CACNA1D: variants seen among roughly 807,000 people sequenced by gnomAD.
CACNA1D encodes voltage-dependent L-type calcium channel subunit alpha-1D.
Under a neutral mutation model 257.1 loss-of-function variants are expected in CACNA1D, and 55 were observed. The ratio of observed to expected loss-of-function variants is 0.21; its 90% CI spans 0.17 to 0.27. CACNA1D has a LOEUF of 0.27. Among genes scored for constraint, CACNA1D ranks in the 10% least tolerant of loss-of-function variants. CACNA1D has a pLI of 1.00. For missense variants in CACNA1D, 1,876 were observed against 2,784.0 expected, an observed-to-expected ratio of 0.67 and a Z score of 7.34; for synonymous variants, 980 against 1,014.9, an observed-to-expected ratio of 0.97 and a Z score of 0.65.
intron 3 of CACNA1D, among the ~76,000 whole-genome samples, chr3:53,517,017 T>C (rs1575730156): frequency 6.6e-6 from 1 of 152,194 alleles, no homozygotes; most frequent in East Asian, 1.9e-4. Flanking sequence ...TCTGTAACTT[T>C]ACTTCGTTGT....
chr3:53,611,284 C>T (rs894441049), intron 3 of CACNA1D, among the ~76,000 whole-genome samples: 2 of 152,176 alleles, frequency 1.3e-5, no homozygotes, highest in African/African-American at 4.8e-5. Flanking sequence ...GCTCTGGAGG[C>T]TGAAGCAGGA....
At chr3:53,511,799 C>T (rs2091123882) in intron 3 of CACNA1D, among the ~76,000 whole-genome samples, 1 of 152,134 alleles carries the variant, frequency 6.6e-6, no homozygotes, top group African/African-American at 2.4e-5. Context: ...GACACATTCC[C>T]TCTTTGTGCT....
At chr3:53,781,693 G>T (rs953583654) in intron 39 of CACNA1D, 26 bp downstream of exon 39, 19 of 1,466,736 alleles carry the variant, frequency 1.3e-5, no homozygotes, top group Non-Finnish European at 1.7e-5. Context: ...TTCCTAAGTA[G>T]TCCTTGGCCA....
chr3:53,755,205 CTG>C (rs1448818472), intron 29 of CACNA1D, among the ~76,000 whole-genome samples: 4 of 152,238 alleles, frequency 2.6e-5, no homozygotes, highest in Non-Finnish European at 5.9e-5. Context: ...TGGAACCTCT[CTG>C]TGGAACATTT....
chr3:53,804,871 C>T, intron 44 of CACNA1D, 112 bp from the exon 45 acceptor site: 1 of 1,019,132 alleles, frequency 9.8e-7, no homozygotes. Flanking sequence ...CTCAGCCAAT[C>T]CTACTGTGTC....
intron 44 of CACNA1D, among the ~76,000 whole-genome samples, chr3:53,804,317 C>A (rs1279459509): frequency 6.6e-6 from 1 of 152,200 alleles, no homozygotes; most frequent in Admixed American, 6.5e-5. Context: ...TGCCTGACTT[C>A]TGAAACCACT....
At position 53,800,266 on chromosome 3, in the gene CACNA1D, G is replaced by A; in HGVS notation, c.4941G>A (p.Leu1647=). The A allele has an allele frequency of 6.2e-7, 1 of 1,613,588 alleles. No homozygotes were observed. Among genetic ancestry groups the A allele is most frequent in the Non-Finnish European group, 8.5e-7 (1 of 1,179,460 alleles). ...TGATCTAGGCGGGATTAAGGACACTGCATGACATTGGGCCAGAAATCCGGC... is the reference window on the plus strand; with the variant it reads ...TGATCTAGGCGGGATTAAGGACACTACATGACATTGGGCCAGAAATCCGGC... ...TIALQAGLRT[L]HDIGPEIRRA... Residue 1647 remains leucine, a synonymous_variant, in exon 41 of 48, where the codon CTG becomes CTA. Transcript: ENST00000350061. The surrounding 1 kb of genome is among the most constrained non-coding windows in gnomAD (Gnocchi z 4.3).
intron 18 of CACNA1D, among the ~76,000 whole-genome samples, 173 bp downstream of exon 18, chr3:53,732,255 G>C (rs1278889376): frequency 6.6e-6 from 1 of 152,254 alleles, no homozygotes; most frequent in Non-Finnish European, 1.5e-5. Context: ...CAGGCAGAAT[G>C]TGTCACTCAA....
Position 53,650,910 on chromosome 3 carries a change from A to G in CACNA1D, c.615A>G (p.Val205=), listed in dbSNP as rs1436981142. The G allele has an allele frequency of 6.2e-7, 1 of 1,612,576 alleles. No individual in the cohort carries two copies. Among genetic ancestry groups the G allele is most frequent in the Non-Finnish European group, 8.5e-7 (1 of 1,178,714 alleles). The change falls in exon 4 of 48, where the codon GTA becomes GTG. Residue 205 remains valine, a synonymous_variant. Transcript: ENST00000350061. The part of the protein sequence containing the change: ...NGWNLLDFVI[V]IVGLFSVILE... Reference sequence around the variant, plus strand: ...GGAATTTACTGGATTTTGTTATAGTAATAGTAGGGTAAGTCTCTTTTACTT... The same window carrying G: ...GGAATTTACTGGATTTTGTTATAGTGATAGTAGGGTAAGTCTCTTTTACTT...
intron 3 of CACNA1D, among the ~76,000 whole-genome samples, chr3:53,573,278 G>A (rs571673657): frequency 1.6e-4 from 25 of 152,208 alleles, no homozygotes; most frequent in Non-Finnish European, 2.8e-4. Flanking sequence ...TTGCACCCCC[G>A]TAGGAGCGTC....
intron 8 of CACNA1D, among the ~76,000 whole-genome samples, chr3:53,687,588 C>G (rs1188638896): frequency 1.3e-5 from 2 of 150,428 alleles, no homozygotes; most frequent in Non-Finnish European, 3.0e-5. Context: ...ATACCAGACA[C>G]AAACATTAAA....
In CACNA1D at chr3:53,813,302, G is replaced by A. The variant is rs1032790385; in HGVS notation, c.*1896G>A. 2.0e-5 allele frequency: 3 copies of A among 152,120 alleles called. No homozygotes were observed. Among genetic ancestry groups the A allele is most frequent in the African/African-American group, 4.8e-5 (2 of 41,412 alleles). 9.4% of individuals were successfully genotyped at this position (152,120 alleles called of 1,614,324 possible). A position where few individuals can be genotyped will look rare whatever the true frequency, so the allele number is the denominator to read the frequency against. On this transcript the variant is annotated 3_prime_UTR_variant, in exon 48 of 48. Transcript: ENST00000350061. ...TTATTAAAATGCAAAATGTTCTTCA[G>A]AATAAAACTGTGTAATAATTTTTAT...
At chr3:53,720,720 A>C (rs2094874517) in intron 11 of CACNA1D, among the ~76,000 whole-genome samples, 1 of 152,246 alleles carries the variant, frequency 6.6e-6, no homozygotes, top group Admixed American at 6.5e-5. Context: ...TATTAGAGTG[A>C]ATCAGATTTA....
intron 3 of CACNA1D, among the ~76,000 whole-genome samples, chr3:53,552,020 T>C (rs545344888): frequency 6.6e-6 from 1 of 152,330 alleles, no homozygotes; most frequent in Non-Finnish European, 1.5e-5. Flanking sequence ...AAGTACTCTA[T>C]GGCTATCCCA....
intron 7 of CACNA1D, among the ~76,000 whole-genome samples, chr3:53,668,804 G>A (rs986499445): frequency 4.6e-5 from 7 of 152,206 alleles, no homozygotes; most frequent in Admixed American, 3.3e-4. Flanking sequence ...AATGGATGTG[G>A]CTTTATTCTA....
At chr3:53,542,580 T>TTAAATAAA (rs3054119) in intron 3 of CACNA1D, among the ~76,000 whole-genome samples, 10,927 of 148,838 alleles carry the variant, frequency 0.073, 928 homozygotes, top group African/African-American at 0.2. Flanking sequence ...ACCCTGTTGC[T>TTAAATAAA]TAAATAAATA....
intron 45 of CACNA1D, among the ~76,000 whole-genome samples, chr3:53,805,778 C>G (rs1406210695): frequency 1.4e-5 from 2 of 144,340 alleles, no homozygotes; most frequent in East Asian, 4.5e-4. Context: ...CTTCCCTCTT[C>G]CTCCCTCATC....
At chr3:53,600,799 T>C (rs541713779) in intron 3 of CACNA1D, among the ~76,000 whole-genome samples, 1 of 152,258 alleles carries the variant, frequency 6.6e-6, no homozygotes, top group South Asian at 2.1e-4. Flanking sequence ...TAACTATAGA[T>C]CATAATATAA....
At chr3:53,778,369 C>T (rs1428500714) in intron 37 of CACNA1D, among the ~76,000 whole-genome samples, 1 of 152,112 alleles carries the variant, frequency 6.6e-6, no homozygotes, top group East Asian at 1.9e-4. Context: ...AGGAACTTAC[C>T]AGGAAAAGTG....
Sources: allele counts gnomAD v4.1 joint callset (sites outside exome capture counted in the v4.1 genomes callset), GRCh38; gene constraint gnomAD v4.1.1; non-coding constraint Gnocchi (gnomAD v3.1); transcripts MANE v1.5; gene names NCBI Gene and HGNC (gene_info 2026-07-23, HGNC 2026-07-21).